The following MME variants were observed in gnomAD, a reference collection of about 807,000 sequenced individuals.
The protein encoded by MME is membrane metalloendopeptidase.
Under a neutral mutation model 113.2 loss-of-function variants are expected in MME, and 98 were observed. That is an observed-to-expected ratio of 0.87 (90% CI 0.74 to 1.02). The LOEUF is 1.02. Among genes scored for constraint, MME ranks in the 50% least tolerant of loss-of-function variants. The pLI is 0.00. For synonymous variants in MME, 292 were observed against 300.6 expected, an observed-to-expected ratio of 0.97 and a Z score of 0.30; for missense variants, 836 against 896.0, an observed-to-expected ratio of 0.93 and a Z score of 0.86.
chr3:155,134,432 C>T (rs1720454000), intron 8 of MME, among the ~76,000 whole-genome samples: 1 of 152,114 alleles, frequency 6.6e-6, no homozygotes, highest in South Asian at 2.1e-4. Flanking sequence ...AGGATAATGA[C>T]CTCCAGCTGC....
At chr3:155,066,356 G>A (rs1420783621) in intron 1 of MME, among the ~76,000 whole-genome samples, 1 of 152,076 alleles carries the variant, frequency 6.6e-6, no homozygotes, top group African/African-American at 2.4e-5. Context: ...CTATAAATAA[G>A]TAATATGAGT....
intron 1 of MME, among the ~76,000 whole-genome samples, chr3:155,030,413 G>A (rs1422998288): frequency 6.6e-6 from 1 of 151,428 alleles, no homozygotes; most frequent in Non-Finnish European, 1.5e-5. Flanking sequence ...TTTTGTTTTT[G>A]TTGTTGTTGT....
At chr3:155,157,524 C>G (rs1722404107) in intron 16 of MME, among the ~76,000 whole-genome samples, 1 of 152,158 alleles carries the variant, frequency 6.6e-6, no homozygotes, top group Non-Finnish European at 1.5e-5. Flanking sequence ...ACCAAAAGAA[C>G]TTACAGTTTT....
Position 155,116,608 on chromosome 3 carries a change from T to TATATA in MME, c.439+49_439+50insATATA, listed in dbSNP as rs776428703. 1.4e-5 allele frequency: 14 copies of TATATA among 977,608 alleles called. 1 individual carries two copies. The highest frequency in any genetic ancestry group is 2.5e-4 in the Middle Eastern group (1 of 4,050). The allele number at this position is 977,608 out of a possible 1,614,324, so 60.6% of individuals were successfully genotyped here. ...ATTAGGAGTATATATATATATATATTGGTGCCAAACTATGCCTAGATTTCT... is the reference window on the plus strand; with the variant it reads ...ATTAGGAGTATATATATATATATATTATATAGGTGCCAAACTATGCCTAGATTTCT... On this transcript the variant is annotated intron_variant, in intron 5 of 22. Coordinates refer to ENST00000360490, the MANE Select transcript of MME (RefSeq NM_007289.4).
intron 1 of MME, among the ~76,000 whole-genome samples, chr3:155,037,510 T>G (rs1175439167): frequency 1.3e-5 from 2 of 152,076 alleles, no homozygotes; most frequent in African/African-American, 4.8e-5. Flanking sequence ...AAGACATCAT[T>G]GTACAGATGA....
chr3:155,102,384 AC>A (rs1470786688), intron 3 of MME, among the ~76,000 whole-genome samples: 2 of 152,120 alleles, frequency 1.3e-5, no homozygotes, highest in East Asian at 3.9e-4. Flanking sequence ...TCTATGGATT[AC>A]CTTGAAATAC....
chr3:155,116,343 T>C (rs1273954091), intron 4 of MME, 136 bp from the exon 5 acceptor site: 1 of 690,032 alleles, frequency 1.4e-6, no homozygotes, highest in Non-Finnish European at 2.6e-6. Flanking sequence ...AGGAAATGAA[T>C]GTACCTCCAG....
chr3:155,038,034 T>C (rs1344598161), intron 1 of MME, among the ~76,000 whole-genome samples: 2 of 152,138 alleles, frequency 1.3e-5, no homozygotes, highest in Non-Finnish European at 2.9e-5. Flanking sequence ...ATATTGATGA[T>C]GTAAACGTTG....
intron 16 of MME, among the ~76,000 whole-genome samples, chr3:155,156,985 A>G (rs1333078867): frequency 6.6e-6 from 1 of 152,038 alleles, no homozygotes; most frequent in Non-Finnish European, 1.5e-5. Flanking sequence ...CCCAGCTATA[A>G]AAATTATTTC....
At chr3:155,143,646 G>C (rs1721296503) in intron 13 of MME, 75 bp downstream of exon 13, 3 of 1,544,804 alleles carry the variant, frequency 1.9e-6, no homozygotes, top group Non-Finnish European at 2.7e-6. Context: ...AGCAATTACA[G>C]TTCTCCATCA....
intron 3 of MME, chr3:155,112,406 CTG>C (rs753338785): frequency 1.3e-5 from 2 of 152,152 alleles, no homozygotes; most frequent in Non-Finnish European, 2.9e-5. Flanking sequence ...CTCACAGAAA[CTG>C]AATATACTCA....
intron 8 of MME, among the ~76,000 whole-genome samples, chr3:155,126,560 G>A (rs773662582): frequency 2.2e-4 from 34 of 151,686 alleles, no homozygotes; most frequent in Non-Finnish European, 4.4e-4. Context: ...TTTAAATTTT[G>A]AATTAGTTGT....
At chr3:155,051,289 A>G (rs1713756557) in intron 1 of MME, among the ~76,000 whole-genome samples, 1 of 152,234 alleles carries the variant, frequency 6.6e-6, no homozygotes, top group African/African-American at 2.4e-5. Context: ...ATGTCTGTAG[A>G]GGACTCTTGT....
chr3:155,036,001 C>T (rs2108116735), intron 1 of MME, among the ~76,000 whole-genome samples: 1 of 151,976 alleles, frequency 6.6e-6, no homozygotes, highest in Admixed American at 6.6e-5. Context: ...GTACCTTGAA[C>T]CAGTATAGTT....
chr3:155,172,468 C>T, intron 21 of MME, 68 bp from the exon 22 acceptor site: 1 of 1,275,296 alleles, frequency 7.8e-7, no homozygotes, highest in South Asian at 1.2e-5. Flanking sequence ...TTCCCCTCAA[C>T]TTGCTCAAAC....
At chr3:155,096,533 G>A (rs1178362686) in intron 3 of MME, among the ~76,000 whole-genome samples, 1 of 152,110 alleles carries the variant, frequency 6.6e-6, no homozygotes, top group Non-Finnish European at 1.5e-5. Context: ...TTCTAGTAGC[G>A]GTGGGAGGTC....
chr3:155,152,899 C>T (rs1392541325), intron 16 of MME, among the ~76,000 whole-genome samples: 1 of 151,798 alleles, frequency 6.6e-6, no homozygotes, highest in Non-Finnish European at 1.5e-5. Context: ...GGGGAAGATA[C>T]ACAACATCAT....
intron 16 of MME, among the ~76,000 whole-genome samples, chr3:155,155,890 T>C (rs1038651903): frequency 3.3e-5 from 5 of 152,166 alleles, no homozygotes; most frequent in African/African-American, 1.2e-4. Context: ...CTAAAAAGAT[T>C]GTGCCTTGTT....
chr3:155,097,250 G>A (rs530637167), intron 3 of MME, among the ~76,000 whole-genome samples: 1 of 152,330 alleles, frequency 6.6e-6, no homozygotes, highest in East Asian at 1.9e-4. Context: ...TCATCAGCAT[G>A]TGGATGATAT....
Sources: gnomAD v4.1 joint callset for allele counts (sites outside exome capture counted in the v4.1 genomes callset) on GRCh38, gnomAD v4.1.1 for gene constraint, MANE v1.5 for transcripts, NCBI Gene and HGNC (gene_info 2026-07-23, HGNC 2026-07-21) for gene names.